Variants in EPHB1 observed in about 807,000 individuals in gnomAD.
The protein encoded by EPHB1 is ephrin type-B receptor 1.
EPHB1 carries 30 observed loss-of-function variants against 94.4 expected under a neutral mutation model. That is an observed-to-expected ratio of 0.32 (90% CI 0.24 to 0.43). The LOEUF (loss-of-function observed/expected upper bound fraction) is 0.43, where lower values mean the gene tolerates loss of function less well. Ranked by LOEUF, EPHB1 falls within the 20% of genes least tolerant of loss-of-function variation. EPHB1 has a pLI of 1.00. For synonymous variants in EPHB1, 522 were observed against 489.1 expected (o/e 1.07, Z -0.89); for missense variants, 1,055 against 1,308.3 (o/e 0.81, Z 2.99).
intron 3 of EPHB1, among the ~76,000 whole-genome samples, chr3:135,073,834 T>C (rs1244396102): frequency 6.6e-6 from 1 of 152,214 alleles, no homozygotes; most frequent in Non-Finnish European, 1.5e-5. Flanking sequence ...GAGCGTTCCA[T>C]AGTCTGAGTT....
At chr3:135,065,804 A>G (rs998605221) in intron 3 of EPHB1, among the ~76,000 whole-genome samples, 1 of 152,154 alleles carries the variant, frequency 6.6e-6, no homozygotes, top group Non-Finnish European at 1.5e-5. Flanking sequence ...TGTGAGATTT[A>G]TGGTTTAAAG....
intron 3 of EPHB1, among the ~76,000 whole-genome samples, chr3:135,096,752 G>A (rs1306723843): frequency 2.0e-5 from 3 of 152,140 alleles, no homozygotes; most frequent in Admixed American, 2.0e-4. Context: ...CCATTTATGA[G>A]GGCTCCACCC....
At chr3:135,132,691 G>C (rs2107687075) in intron 4 of EPHB1, 23 bp from the exon 5 acceptor site, 4 of 1,551,764 alleles carry the variant, frequency 2.6e-6, no homozygotes, top group Non-Finnish European at 3.5e-6. Context: ...TAGCCTCACT[G>C]GACCTTCTTT....
chr3:134,925,590 C>T (rs564478414), intron 1 of EPHB1, among the ~76,000 whole-genome samples: 4 of 152,236 alleles, frequency 2.6e-5, no homozygotes, highest in South Asian at 2.1e-4. Flanking sequence ...TAGCATCAGA[C>T]GTGAAGTCTG....
chr3:134,915,345 G>A (rs1427513844), intron 1 of EPHB1, among the ~76,000 whole-genome samples: 1 of 152,134 alleles, frequency 6.6e-6, no homozygotes, highest in African/African-American at 2.4e-5. Context: ...CCACATAAAG[G>A]CAGAGACAGA....
At chr3:134,868,876 T>A (rs1297014812) in intron 1 of EPHB1, among the ~76,000 whole-genome samples, 1 of 152,242 alleles carries the variant, frequency 6.6e-6, no homozygotes, top group Non-Finnish European at 1.5e-5. Flanking sequence ...GGCCTTGCTG[T>A]CGTGCTGTGC....
At chr3:135,068,780 C>T (rs1377962821) in intron 3 of EPHB1, among the ~76,000 whole-genome samples, 2 of 151,734 alleles carry the variant, frequency 1.3e-5, no homozygotes, top group Non-Finnish European at 2.9e-5. Flanking sequence ...TCCTGAGTAG[C>T]TGGGACTACA....
chr3:135,247,611 T>C (rs1023794367), intron 13 of EPHB1, among the ~76,000 whole-genome samples: 1 of 152,250 alleles, frequency 6.6e-6, no homozygotes, highest in African/African-American at 2.4e-5. Flanking sequence ...CTAAAATCTT[T>C]ACAAAATTAC....
At position 135,076,262 on chromosome 3, in the gene EPHB1, A is replaced by ATATATAT. The variant is rs1559820194; in HGVS notation, c.806-30186_806-30185insTATATAT. ...ATATATATATATATATATATATATA[A>ATATATAT]CTCTTAAATGCATTAGTAAAAAGTC... is the stretch of plus-strand genomic sequence containing the variant. On this transcript the variant is annotated intron_variant, in intron 3 of 15. Transcript: ENST00000398015. Among the ~76,000 whole-genome samples the ATATATAT allele has an allele frequency of 2.6e-3, 177 of 68,920 alleles. 1 individual carries two copies. Among genetic ancestry groups the ATATATAT allele is most frequent in the African/African-American group, 0.019 (174 of 9,302 alleles). 45.2% of individuals were successfully genotyped at this position (68,920 alleles called of 152,430 possible).
intron 1 of EPHB1, among the ~76,000 whole-genome samples, chr3:134,837,530 G>A (rs2036693660): frequency 1.3e-5 from 2 of 152,192 alleles, no homozygotes; most frequent in South Asian, 2.1e-4. Flanking sequence ...GGGAGATGGC[G>A]GGGAGGGGGC....
chr3:135,214,131 A>T (rs935938132), intron 12 of EPHB1, among the ~76,000 whole-genome samples: 5 of 151,926 alleles, frequency 3.3e-5, no homozygotes, highest in Non-Finnish European at 7.4e-5. Context: ...TTCTCATGTC[A>T]GCTGATGTTC....
intron 1 of EPHB1, among the ~76,000 whole-genome samples, chr3:134,834,958 ACTGT>A (rs1345119052): frequency 1.4e-4 from 21 of 152,294 alleles, no homozygotes; most frequent in African/African-American, 4.6e-4. Context: ...TGAGTGATTG[ACTGT>A]CTGTCCTGGA....
At chr3:135,113,294 T>C (rs1939539623) in intron 4 of EPHB1, among the ~76,000 whole-genome samples, 1 of 152,242 alleles carries the variant, frequency 6.6e-6, no homozygotes, top group Non-Finnish European at 1.5e-5. Context: ...GTAAATGTGC[T>C]TTCACACTTC....
At chr3:134,838,750 A>G (rs1184641599) in intron 1 of EPHB1, among the ~76,000 whole-genome samples, 1 of 152,156 alleles carries the variant, frequency 6.6e-6, no homozygotes, top group Non-Finnish European at 1.5e-5. Flanking sequence ...AATAAGACAA[A>G]TCATGTCTTA....
chr3:135,043,829 C>CT (rs1406170556), intron 3 of EPHB1, among the ~76,000 whole-genome samples: 2 of 152,188 alleles, frequency 1.3e-5, no homozygotes, highest in Non-Finnish European at 2.9e-5. Flanking sequence ...AGAAGCTGAC[C>CT]TGCCTATTCC....
At chr3:134,972,644 C>T (rs1934023622) in intron 3 of EPHB1, among the ~76,000 whole-genome samples, 1 of 150,762 alleles carries the variant, frequency 6.6e-6, no homozygotes, top group Non-Finnish European at 1.5e-5. Flanking sequence ...TTGCATTCAA[C>T]AAACAAGTAC....
chr3:135,160,933 A>C (rs923358017), intron 6 of EPHB1, among the ~76,000 whole-genome samples: 2 of 152,194 alleles, frequency 1.3e-5, no homozygotes, highest in Non-Finnish European at 2.9e-5. Flanking sequence ...CCCCGGATTT[A>C]GGGGAATGTG....
intron 6 of EPHB1, among the ~76,000 whole-genome samples, chr3:135,157,003 C>T (rs1941375200): frequency 6.6e-6 from 1 of 152,160 alleles, no homozygotes; most frequent in South Asian, 2.1e-4. Context: ...CCCCAGCGTG[C>T]ACCTATTGTG....
chr3:135,249,604 T>TCA, intron 15 of EPHB1, 113 bp downstream of exon 15: 1 of 1,276,514 alleles, frequency 7.8e-7, no homozygotes, highest in Non-Finnish European at 1.1e-6. Context: ...GCTCCGTCTC[T>TCA]GTATAGACCA....
Sources: allele counts gnomAD v4.1 joint callset (sites outside exome capture counted in the v4.1 genomes callset), GRCh38; gene constraint gnomAD v4.1.1; transcripts MANE v1.5; gene names NCBI Gene and HGNC (gene_info 2026-07-23, HGNC 2026-07-21).